Variants in PANK4 observed in about 807,000 individuals in gnomAD.
The protein encoded by PANK4 is 4'-phosphopantetheine phosphatase.
A neutral mutation model predicts 87.9 loss-of-function variants in PANK4; 40 were observed. The observed-to-expected ratio is 0.46, with a 90% CI of 0.35 to 0.59. PANK4 has a LOEUF of 0.59. Ranked by LOEUF, PANK4 falls within the 20% of genes least tolerant of loss-of-function variation. PANK4 has a pLI of 0.00. For synonymous variants in PANK4, 524 were observed against 467.4 expected, an observed-to-expected ratio of 1.12 and a Z score of -1.56; for missense variants, 926 against 1,072.3, an observed-to-expected ratio of 0.86 and a Z score of 1.90.
chr1:2,523,366 C>T (rs1047465616), intron 1 of PANK4, among the ~76,000 whole-genome samples: 4 of 152,166 alleles, frequency 2.6e-5, no homozygotes, highest in East Asian at 1.9e-4. Context: ...CAGTGCTGGC[C>T]GGGCCCGGAG....
At position 2,520,713 on chromosome 1, in the gene PANK4, C is replaced by T. The variant is rs376773739; in HGVS notation, c.606+10G>A. ...CCATCCACTCATTCATTCATGAAGC[C>T]GGGTCTTACCTTCACGATGGAGACT... On this transcript the variant is annotated intron_variant, in intron 4 of 18. Coordinates refer to ENST00000378466, the MANE Select transcript of PANK4 (RefSeq NM_018216.4). The surrounding 1 kb of genome is among the most constrained non-coding windows in gnomAD (Gnocchi z 6.2). The T allele has an allele frequency of 6.8e-6, 11 of 1,608,470 alleles. No homozygotes were observed. The African/African-American group carries it at 8.0e-5, about 12-fold the overall frequency.
At chr1:2,517,816 T>G (rs1643809488) in intron 9 of PANK4, among the ~76,000 whole-genome samples, 1 of 152,244 alleles carries the variant, frequency 6.6e-6, no homozygotes, top group Admixed American at 6.5e-5. Flanking sequence ...TCCTGCGGTT[T>G]CGGGTTTCAA....
chr1:2,514,191 G>T, intron 11 of PANK4, 102 bp from the exon 12 acceptor site: 2 of 1,184,654 alleles, frequency 1.7e-6, no homozygotes, highest in South Asian at 1.2e-5. Flanking sequence ...GCCCGGCAGT[G>T]CAAACGCTGC....
Position 2,521,283 on chromosome 1 carries a change from C to T in PANK4, c.240G>A (p.Glu80=). 6.2e-7 allele frequency: 1 copy of T among 1,613,926 alleles called. No homozygotes were observed. Among genetic ancestry groups the T allele is most frequent in the Non-Finnish European group, 8.5e-7 (1 of 1,179,986 alleles). The change falls in exon 3 of 19, where the codon GAG becomes GAA. Residue 80 remains glutamate (E), a synonymous_variant. Transcript: ENST00000378466. ...CAGTGATCTCTTCTTGAACTGAAAT[C>T]TCATAGGGCGGCTCATGTTCACGTT... ...DTEREHEPPY[E]ISVQEEITAR...
intron 9 of PANK4, among the ~76,000 whole-genome samples, chr1:2,517,393 C>T (rs527694392): frequency 7.2e-5 from 11 of 152,382 alleles, no homozygotes; most frequent in Non-Finnish European, 1.5e-4. Context: ...CAAGCAACTT[C>T]CTGCCAACAA....
At chr1:2,511,861 C>T (rs1165831283) in intron 13 of PANK4, among the ~76,000 whole-genome samples, 178 bp from the exon 14 acceptor site, 2 of 152,026 alleles carry the variant, frequency 1.3e-5, no homozygotes, top group Non-Finnish European at 2.9e-5. Flanking sequence ...GACCCCAAAT[C>T]ACTCCCAGGC....
rs1218046798 is a variant in PANK4, at chr1:2,519,536, A to G, written c.854-212T>C. Reference sequence around the variant, plus strand: ...TGTGTGAATCATTCCTGGACGGATTAAGCTTTGTTTTGAAGGAGGAAAAAA... The same window carrying G: ...TGTGTGAATCATTCCTGGACGGATTGAGCTTTGTTTTGAAGGAGGAAAAAA... On this transcript the variant is annotated intron_variant, in intron 6 of 18. Transcript: ENST00000378466. This position sits in a 1 kb window ranked among gnomAD's most constrained non-coding sequence, Gnocchi z 8.3. Among the ~76,000 whole-genome samples the G allele has an allele frequency of 5.9e-5, 9 of 152,114 alleles. No homozygotes were observed.
At position 2,520,112 on chromosome 1, in the gene PANK4, G is replaced by A. The variant is rs139029933; in HGVS notation, c.700-158C>T. Among the ~76,000 whole-genome samples, 563 of 152,230 alleles carry A rather than the reference G, an allele frequency of 3.7e-3. 8 individuals carry two copies. The highest frequency in any genetic ancestry group is 5.7e-3 in the Non-Finnish European group (388 of 68,010). On this transcript the variant is annotated intron_variant, in intron 5 of 18. Transcript: ENST00000378466. This position sits in a 1 kb window ranked among gnomAD's most constrained non-coding sequence, Gnocchi z 6.2. Reference sequence around the variant, plus strand: ...GCAGGAGGCGGCAAGCGGGACCCTCGGGCCACCCAGCCAGGATAGAAGCTC... The same window carrying A: ...GCAGGAGGCGGCAAGCGGGACCCTCAGGCCACCCAGCCAGGATAGAAGCTC...
chr1:2,520,465 G>A lies in PANK4; in HGVS notation c.607-51C>T. 1 of 1,504,342 alleles carries A rather than the reference G, an allele frequency of 6.6e-7. No individual in the cohort carries two copies. Among genetic ancestry groups the A allele is most frequent in the East Asian group, 2.3e-5 (1 of 44,228 alleles). 93.2% of individuals were successfully genotyped at this position (1,504,342 alleles called of 1,614,324 possible). On this transcript the variant is annotated intron_variant, in intron 4 of 18. Transcript: ENST00000378466. This position sits in a 1 kb window ranked among gnomAD's most constrained non-coding sequence, Gnocchi z 6.2. ...CCCTCAGTGGGCCCTCAGCCACACA[G>A]GCTCCCCCGCCCCCCGCCCCATGTG...
Position 2,510,602 on chromosome 1 carries a change from G to T in PANK4, c.1938+76C>A. 2 of 860,456 alleles carry T rather than the reference G, an allele frequency of 2.3e-6. No individual in the cohort carries two copies. Among genetic ancestry groups the T allele is most frequent in the Non-Finnish European group, 1.9e-6 (1 of 515,444 alleles). The allele number at this position is 860,456 out of a possible 1,614,324, so 53.3% of individuals were successfully genotyped here. A position where few individuals can be genotyped will look rare whatever the true frequency, so the allele number is the denominator to read the frequency against. On this transcript the variant is annotated intron_variant, in intron 16 of 18. Transcript: ENST00000378466. This position sits in a 1 kb window ranked among gnomAD's most constrained non-coding sequence, Gnocchi z 4.9. ...CGGAGGAGCCCCGACCACCGCCAGA[G>T]GCCCACAGCGGCGCCAACCCCACCG...
In PANK4 at chr1:2,510,027, G is replaced by T. The variant is rs1196646672; in HGVS notation, c.2039+30C>A. On this transcript the variant is annotated intron_variant, in intron 17 of 18. Coordinates refer to ENST00000378466, the MANE Select transcript of PANK4 (RefSeq NM_018216.4). This position sits in a 1 kb window ranked among gnomAD's most constrained non-coding sequence, Gnocchi z 4.9. ...CCAGCTGGTGCCCCTCCCCATCAAG[G>T]CCCCCCCAGCACTGCCCGCCAACAC... The T allele has an allele frequency of 1.3e-6, 2 of 1,581,604 alleles. No homozygotes were observed. Among genetic ancestry groups the T allele is most frequent in the Non-Finnish European group, 1.7e-6 (2 of 1,157,392 alleles).
Position 2,519,146 on chromosome 1 carries a change from G to C in PANK4, c.1032C>G (p.Ser344=), listed in dbSNP as rs1643839040. The change falls in exon 7 of 19, where the codon TCC becomes TCG. Residue 344 remains serine, a synonymous_variant. Coordinates refer to ENST00000378466, the MANE Select transcript of PANK4 (RefSeq NM_018216.4). This position sits in a 1 kb window ranked among gnomAD's most constrained non-coding sequence, Gnocchi z 8.3. ...RTITYSINFF[S]KGEVQALFLR... ...GGGAGGGCGGCGCATCCGTTACCTT[G>C]GAGAAGAAGTTGATGCTATAGGTGA... is the stretch of plus-strand genomic sequence containing the variant. The C allele has an allele frequency of 6.2e-7, 1 of 1,611,470 alleles. No individual in the cohort carries two copies. The highest frequency in any genetic ancestry group is 2.2e-5 in the East Asian group (1 of 44,836).
chr1:2,510,697 A>G lies in PANK4; in HGVS notation c.1919T>C (p.Leu640Pro). 6.3e-7 allele frequency: 1 copy of G among 1,598,642 alleles called. No individual in the cohort carries two copies. Among genetic ancestry groups the G allele is most frequent in the South Asian group, 1.1e-5 (1 of 90,774 alleles). ...ACTCACCTCTGTCCCTCTAAGGAGTAGCTCCCTGACAAAGGGGAAGACTCC... is the reference window on the plus strand; with the variant it reads ...ACTCACCTCTGTCCCTCTAAGGAGTGGCTCCCTGACAAAGGGGAAGACTCC... ...ILGVFPFVRELLLRGTEVILA... is the reference protein window; with the variant it reads ...ILGVFPFVREPLLRGTEVILA... The change falls in exon 16 of 19, where the codon CTA (leucine) becomes CCA (proline). Residue 640 changes from leucine to proline, a missense_variant. By Grantham distance (98) the Leu-to-Pro change is moderately conservative (BLOSUM62 -3). Transcript: ENST00000378466. The surrounding 1 kb of genome is among the most constrained non-coding windows in gnomAD (Gnocchi z 4.9).
chr1:2,512,784 C>T, intron 13 of PANK4, 104 bp downstream of exon 13: 8 of 1,177,206 alleles, frequency 6.8e-6, no homozygotes, highest in Non-Finnish European at 9.9e-6. Context: ...CCACCAAGCG[C>T]CACGTGACCC....
chr1:2,520,994 GC>G lies in PANK4; in HGVS notation c.423-89del. ...CTGCCTGGTCCGAAGGGGCAGCCAT[GC>G]CCCATGCGCAATCTGACACACGAGC... is the stretch of plus-strand genomic sequence containing the variant. On this transcript the variant is annotated intron_variant, in intron 3 of 18. Transcript: ENST00000378466. This position sits in a 1 kb window ranked among gnomAD's most constrained non-coding sequence, Gnocchi z 6.2. 6.5e-7 allele frequency: 1 copy of G among 1,527,558 alleles called. No homozygotes were observed. Among genetic ancestry groups the G allele is most frequent in the Non-Finnish European group, 9.0e-7 (1 of 1,115,328 alleles). The allele number at this position is 1,527,558 out of a possible 1,614,324, so 94.6% of individuals were successfully genotyped here. A position where few individuals can be genotyped will look rare whatever the true frequency, so the allele number is the denominator to read the frequency against.
chr1:2,509,601 A>C lies in PANK4; in HGVS notation c.2108+261T>G, dbSNP rs1400061736. Among the ~76,000 whole-genome samples, 1 of 152,174 alleles carries C rather than the reference A, an allele frequency of 6.6e-6. No individual in the cohort carries two copies. The highest frequency in any genetic ancestry group is 6.5e-5 in the Admixed American group (1 of 15,276). Reference sequence around the variant, plus strand: ...CCCTCGGTCTCAGCTGAGTGGCCACAGGGACATTGGCCCCTCTTGCCCCAA... The same window carrying C: ...CCCTCGGTCTCAGCTGAGTGGCCACCGGGACATTGGCCCCTCTTGCCCCAA... On this transcript the variant is annotated intron_variant, in intron 18 of 18. Coordinates refer to ENST00000378466, the MANE Select transcript of PANK4 (RefSeq NM_018216.4). This position sits in a 1 kb window ranked among gnomAD's most constrained non-coding sequence, Gnocchi z 4.9.
intron 8 of PANK4, 54 bp downstream of exon 8, chr1:2,518,462 C>T: frequency 1.4e-6 from 2 of 1,468,182 alleles, no homozygotes; most frequent in Non-Finnish European, 1.9e-6. Context: ...GAGCACAGGC[C>T]CAGGCCACAG....
Position 2,520,804 on chromosome 1 carries a change from A to T in PANK4, c.525T>A (p.Pro175=), listed in dbSNP as rs1260376972. ...GGTGGTTGGTCTGGAACCGGAACTC[A>T]GGGTCGGAATCCTTCTGGTACACGA... ...EAFVYQKDSD[P]EFRFQTNHPH... is the part of the protein sequence containing the mutation. Residue 175 remains proline, a synonymous_variant, in exon 4 of 19, where the codon CCT becomes CCA. Transcript: ENST00000378466. This position sits in a 1 kb window ranked among gnomAD's most constrained non-coding sequence, Gnocchi z 6.2. The T allele has an allele frequency of 1.9e-6, 3 of 1,611,974 alleles. No individual in the cohort carries two copies. The highest frequency in any genetic ancestry group is 1.7e-5 in the Admixed American group (1 of 59,534).
In PANK4 at chr1:2,521,280, A is replaced by G; in HGVS notation, c.243T>C (p.Ile81=). 2 of 1,613,854 alleles carry G rather than the reference A, an allele frequency of 1.2e-6. No homozygotes were observed. Among genetic ancestry groups the G allele is most frequent in the Non-Finnish European group, 1.7e-6 (2 of 1,179,966 alleles). ...GAGCAGTGATCTCTTCTTGAACTGA[A>G]ATCTCATAGGGCGGCTCATGTTCAC... The part of the protein sequence containing the change: ...TEREHEPPYE[I]SVQEEITARL... The change falls in exon 3 of 19, where the codon ATT becomes ATC. Residue 81 remains isoleucine, a synonymous_variant. Transcript: ENST00000378466.
Sources: allele counts gnomAD v4.1 joint callset (sites outside exome capture counted in the v4.1 genomes callset), GRCh38; gene constraint gnomAD v4.1.1; non-coding constraint Gnocchi (gnomAD v3.1); transcripts MANE v1.5; gene names NCBI Gene and HGNC (gene_info 2026-07-23, HGNC 2026-07-21).